DDX1: variants seen among roughly 807,000 people sequenced by gnomAD.
The protein encoded by DDX1 is DEAD-box helicase 1, also known as ATP-dependent RNA helicase DDX1.
A neutral mutation model predicts 108.7 loss-of-function variants in DDX1; 28 were observed. That is an observed-to-expected ratio of 0.26 (90% CI 0.19 to 0.35). DDX1 has a LOEUF of 0.35. Among genes scored for constraint, DDX1 ranks in the 10% least tolerant of loss-of-function variants. The pLI is 1.00. For missense variants in DDX1, 710 were observed against 884.5 expected (o/e 0.80, Z 2.50); for synonymous variants, 295 against 288.9 (o/e 1.02, Z -0.21).
At chr2:15,622,772 T>G (rs1666033424) in intron 18 of DDX1, among the ~76,000 whole-genome samples, 1 of 152,228 alleles carries the variant, frequency 6.6e-6, no homozygotes, top group South Asian at 2.1e-4. Flanking sequence ...TTGCATAAGT[T>G]TTGCTTAGTT....
intron 20 of DDX1, 45 bp from the exon 21 acceptor site, chr2:15,628,400 T>G (rs1666136837): frequency 7.2e-7 from 1 of 1,389,512 alleles, no homozygotes; most frequent in South Asian, 1.2e-5. Context: ...TATTGTTTAG[T>G]ATATGTGCTA....
chr2:15,603,938 G>A (rs1367605773), intron 9 of DDX1, 48 bp downstream of exon 9: 1 of 1,239,048 alleles, frequency 8.1e-7, no homozygotes, highest in South Asian at 1.3e-5. Context: ...AAGTTTTCTT[G>A]CATACTTAAT....
chr2:15,622,524 T>C (rs1666030757), intron 18 of DDX1, among the ~76,000 whole-genome samples: 1 of 152,198 alleles, frequency 6.6e-6, no homozygotes, highest in Non-Finnish European at 1.5e-5. Flanking sequence ...AGGTGGATCA[T>C]TCATTGGTGA....
intron 10 of DDX1, among the ~76,000 whole-genome samples, chr2:15,605,168 A>G (rs1665643399): frequency 1.3e-5 from 2 of 152,150 alleles, no homozygotes; most frequent in South Asian, 4.1e-4. Flanking sequence ...ATCTGTCTTT[A>G]GTTTAACAGT....
rs1292817033 is a variant in DDX1 at position 15,603,953 on chromosome 2, C to T, written c.552+63C>T. The stretch of plus-strand genomic sequence containing the variant: ...AAGTTTTCTTGCATACTTAATCACT[C>T]ATGACAGAATGAGGGTATACAAATG... On this transcript the variant is annotated intron_variant, in intron 9 of 25. Coordinates refer to ENST00000233084, the MANE Select transcript of DDX1 (RefSeq NM_004939.3). 9 of 1,058,950 alleles carry T rather than the reference C, an allele frequency of 8.5e-6. No homozygotes were observed. The Admixed American group carries it at 1.8e-4, about 21-fold the overall frequency. The allele number at this position is 1,058,950 out of a possible 1,614,324, so 65.6% of individuals were successfully genotyped here. A position where few individuals can be genotyped will look rare whatever the true frequency, so the allele number is the denominator to read the frequency against.
chr2:15,620,413 A>G lies in DDX1; in HGVS notation c.1395+17A>G. On this transcript the variant is annotated intron_variant, in intron 17 of 25. Transcript: ENST00000233084. ...CACATTAGAGTAAGTGGTTTATAAT[A>G]TTAACATTTATGTAGAATAAAGCAA... 6.3e-7 allele frequency: 1 copy of G among 1,590,510 alleles called. No individual in the cohort carries two copies. Among genetic ancestry groups the G allele is most frequent in the Non-Finnish European group, 8.6e-7 (1 of 1,168,006 alleles).
chr2:15,619,249 C>T (rs532102952), intron 16 of DDX1, among the ~76,000 whole-genome samples: 3 of 152,362 alleles, frequency 2.0e-5, no homozygotes, highest in Non-Finnish European at 2.9e-5. Flanking sequence ...CTCCAGGGTC[C>T]TCCCAGGGGT....
chr2:15,628,849 G>A lies in DDX1; in HGVS notation c.1875+10G>A, dbSNP rs1558460534. The A allele has an allele frequency of 6.2e-6, 10 of 1,610,272 alleles. No homozygotes were observed. The highest frequency in any genetic ancestry group is 6.8e-6 in the Non-Finnish European group (8 of 1,176,602). On this transcript the variant is annotated intron_variant, in intron 23 of 25. Transcript: ENST00000233084. ...AACAGAAAAAGAAAAGGTAATCTTT[G>A]TAGGGCTCTATTATATTCATTGTGT... is the stretch of plus-strand genomic sequence containing the variant.
intron 18 of DDX1, 121 bp from the exon 19 acceptor site, chr2:15,623,315 A>G: frequency 3.6e-6 from 3 of 839,774 alleles, no homozygotes; most frequent in South Asian, 3.7e-5. Flanking sequence ...TAATACTTTT[A>G]TTAAAACAAG....
chr2:15,595,800 A>C (rs13403391), intron 3 of DDX1, among the ~76,000 whole-genome samples: 2,668 of 152,288 alleles, frequency 0.018, 72 homozygotes, highest in African/African-American at 0.056. Flanking sequence ...TAAGAGATGC[A>C]GAGTAGTATA....
At position 15,595,937 on chromosome 2, in the gene DDX1, T is replaced by A. The variant is rs144469652; in HGVS notation, c.132+384T>A. Among the ~76,000 whole-genome samples, 265 of 152,224 alleles carry A rather than the reference T, an allele frequency of 1.7e-3. 2 individuals are homozygous for A. The highest frequency in any genetic ancestry group is 6.2e-3 in the African/African-American group (257 of 41,540). On this transcript the variant is annotated intron_variant, in intron 3 of 25. Coordinates refer to ENST00000233084, the MANE Select transcript of DDX1 (RefSeq NM_004939.3). ...CCAAGCTCTGTTGCCCAAGCTGGAGTGCAGTGGTGTGTTTATAGTTCACTG... is the reference window on the plus strand; with the variant it reads ...CCAAGCTCTGTTGCCCAAGCTGGAGAGCAGTGGTGTGTTTATAGTTCACTG...
rs1573038942 is a variant in DDX1, at chr2:15,603,358, T to G, written c.475+83T>G. 3.5e-5 allele frequency: 33 copies of G among 951,462 alleles called. No homozygotes were observed. In the East Asian group the frequency reaches 7.9e-4, roughly 23 times the overall value. 58.9% of individuals were successfully genotyped at this position (951,462 alleles called of 1,614,324 possible). On this transcript the variant is annotated intron_variant, in intron 8 of 25. Transcript: ENST00000233084. ...TTATTTGGGGAAGCAAAATAATAAA[T>G]TTAACCATAAAAAGGTTTTATTTTA...
At chr2:15,630,167 T>G (rs1336716543) in intron 25 of DDX1, 57 bp downstream of exon 25, 6 of 1,578,000 alleles carry the variant, frequency 3.8e-6, no homozygotes, top group Non-Finnish European at 5.2e-6. Flanking sequence ...TGTTTTGAAC[T>G]TCGGTTTGGG....
Position 15,629,981 on chromosome 2 carries a change from A to G in DDX1, c.1972-9A>G, listed in dbSNP as rs773781528. 4 of 1,579,768 alleles carry G rather than the reference A, an allele frequency of 2.5e-6. No homozygotes were observed. Among genetic ancestry groups the G allele is most frequent in the South Asian group, 1.2e-5 (1 of 82,680 alleles). On this transcript the variant is annotated splice_polypyrimidine_tract_variant and intron_variant, in intron 24 of 25. Coordinates refer to ENST00000233084, the MANE Select transcript of DDX1 (RefSeq NM_004939.3). ...ATTTTTATTTGGAAATTTTCTCTCC[A>G]TTACTTAGTTACTATCTGAGATAGA...
At chr2:15,628,088 A>G (rs1666129440) in intron 20 of DDX1, among the ~76,000 whole-genome samples, 1 of 152,182 alleles carries the variant, frequency 6.6e-6, no homozygotes, top group Non-Finnish European at 1.5e-5. Flanking sequence ...ATTTGAATTT[A>G]AGAGTAAAGA....
At chr2:15,614,403 T>A (rs1324891854) in intron 14 of DDX1, among the ~76,000 whole-genome samples, 1 of 152,218 alleles carries the variant, frequency 6.6e-6, no homozygotes, top group Non-Finnish European at 1.5e-5. Flanking sequence ...TTACCATACT[T>A]GTTAATACTA....
At chr2:15,606,063 T>C (rs766936140) in intron 11 of DDX1, 37 bp downstream of exon 11, 2 of 1,562,722 alleles carry the variant, frequency 1.3e-6, no homozygotes, top group Non-Finnish European at 1.7e-6. Context: ...TTTGCTGTGG[T>C]TGTAAGCTGC....
chr2:15,611,621 T>C lies in DDX1; in HGVS notation c.957-1603T>C, dbSNP rs1423210662. Among the ~76,000 whole-genome samples the C allele has an allele frequency of 4.5e-3, 282 of 63,192 alleles. 2 individuals carry two copies. In the East Asian group the frequency reaches 0.052, roughly 12 times the overall value. 41.5% of individuals were successfully genotyped at this position (63,192 alleles called of 152,430 possible). A position where few individuals can be genotyped will look rare whatever the true frequency, so the allele number is the denominator to read the frequency against. The stretch of plus-strand genomic sequence containing the variant: ...CTGGCCGGGCAGAGGGGCTCCTCAC[T>C]TCCCAGTAGGGGTGGCCGGGCAGAG... On this transcript the variant is annotated intron_variant, in intron 13 of 25. Transcript: ENST00000233084.
intron 7 of DDX1, 71 bp downstream of exon 7, chr2:15,602,702 G>A (rs564072437): frequency 8.2e-7 from 1 of 1,222,572 alleles, no homozygotes; most frequent in Non-Finnish European, 1.2e-6. Flanking sequence ...TTTTTTTGTT[G>A]TTGTTTGTTT....
Sources: gnomAD v4.1 joint callset for allele counts (sites outside exome capture counted in the v4.1 genomes callset) on GRCh38, gnomAD v4.1.1 for gene constraint, MANE v1.5 for transcripts, NCBI Gene and HGNC (gene_info 2026-07-23, HGNC 2026-07-21) for gene names.